CP: variants seen among roughly 807,000 people sequenced by gnomAD.
The protein encoded by CP is ceruloplasmin, also known as caeruloplasmin.
A neutral mutation model predicts 122.4 loss-of-function variants in CP; 64 were observed. That is an observed-to-expected ratio of 0.52 (90% CI 0.43 to 0.64). CP has a LOEUF of 0.64. Among genes scored for constraint, CP ranks in the 30% least tolerant of loss-of-function variants. The probability of loss-of-function intolerance (pLI) is 0.00; values close to 1 mark genes in which losing one functional copy is unlikely to be tolerated. For synonymous variants in CP, 440 were observed against 436.4 expected, an observed-to-expected ratio of 1.01 and a Z score of -0.10; for missense variants, 1,167 against 1,284.4, an observed-to-expected ratio of 0.91 and a Z score of 1.40.
At position 149,197,906 on chromosome 3, in the gene CP, T is replaced by G. The variant is rs371992957; in HGVS notation, c.1713+461A>C. On this transcript the variant is annotated intron_variant, in intron 9 of 18. Transcript: ENST00000264613. ...GTTCCTGACAGACCACCTAACAGGC[T>G]CACCTCCTGCTGTGTGGCCCATGGG... 6.2e-4 allele frequency among the ~76,000 whole-genome samples: 95 copies of G among 152,260 alleles called. 1 individual carries two copies. Among genetic ancestry groups the G allele is most frequent in the African/African-American group, 2.3e-3 (94 of 41,548 alleles).
intron 9 of CP, among the ~76,000 whole-genome samples, chr3:149,197,639 C>T (rs1559948477): frequency 6.6e-6 from 1 of 152,114 alleles, no homozygotes; most frequent in Non-Finnish European, 1.5e-5. Flanking sequence ...ACCGGTTTCA[C>T]GGAAGACATT....
rs747012860 is a variant in CP, at chr3:149,210,363, A to G, written c.411T>C (p.Asp137=). The part of the protein sequence containing the change: ...YKEHEGAIYP[D]NTTDFQRADD... The stretch of plus-strand genomic sequence containing the variant: ...CTGCTCTTTGAAAATCTGTGGTGTT[A>G]TCAGGGTAGATGGCCCCTAGGAAGC... Residue 137 remains aspartate (D), a synonymous_variant, in exon 3 of 19, where the codon GAT becomes GAC. Coordinates refer to ENST00000264613, the MANE Select transcript of CP (RefSeq NM_000096.4). 3 of 1,614,024 alleles carry G rather than the reference A, an allele frequency of 1.9e-6. No individual in the cohort carries two copies. The highest frequency in any genetic ancestry group is 1.1e-5 in the South Asian group (1 of 91,072).
chr3:149,164,378 TTAG>T, intron 5 of CP, among the ~76,000 whole-genome samples: 1 of 152,290 alleles, frequency 6.6e-6, no homozygotes, highest in African/African-American at 2.4e-5. Context: ...GTCAAAGTAG[TTAG>T]TTTATCCAGC....
chr3:149,178,272 G>A (rs1725547935), intron 16 of CP, 143 bp downstream of exon 16: 3 of 707,902 alleles, frequency 4.2e-6, no homozygotes. Flanking sequence ...TTTTTGTTTT[G>A]AACAGGATTC....
Position 149,178,490 on chromosome 3 carries a change from T to A in CP, c.2803A>T (p.Ile935Phe). The change falls in exon 16 of 19, where the codon ATC (isoleucine) becomes TTC (phenylalanine). Residue 935 changes from isoleucine (I) to phenylalanine (F), a missense_variant. Physicochemically the swap from Ile to Phe is conservative, Grantham distance 21 (BLOSUM62 0). This residue lies in a region of CP where 525 missense variants were observed against 657.2 expected (regional missense o/e 0.80). Transcript: ENST00000264613. ...ENESWYLDDNIKTYSDHPEKV... is the reference protein window; with the variant it reads ...ENESWYLDDNFKTYSDHPEKV... ...TCGGGGTGATCAGAGTATGTTTTGA[T>A]GTTGTCATCTAAGTACCAAGATTCA... The A allele has an allele frequency of 6.2e-7, 1 of 1,613,738 alleles. No individual in the cohort carries two copies. The highest frequency in any genetic ancestry group is 1.1e-5 in the South Asian group (1 of 91,060).
At chr3:149,181,975 C>CTGGGG in intron 14 of CP, 30 bp downstream of exon 14, 1 of 1,088,426 alleles carries the variant, frequency 9.2e-7, no homozygotes, top group Non-Finnish European at 1.4e-6. Flanking sequence ...TGTTAAAATG[C>CTGGGG]ACCACCCCCA....
In CP at chr3:149,178,403, A is replaced by T. The variant is rs35848147; in HGVS notation, c.2878+12T>A. 2.0e-6 allele frequency: 3 copies of T among 1,530,176 alleles called. No homozygotes were observed. The highest frequency in any genetic ancestry group is 1.8e-6 in the Non-Finnish European group (2 of 1,107,254). The allele number at this position is 1,530,176 out of a possible 1,614,324, so 94.8% of individuals were successfully genotyped here. A position where few individuals can be genotyped will look rare whatever the true frequency, so the allele number is the denominator to read the frequency against. ...AAAAGTAGAAAAATTGTTTTAGAATAATGTGACATACCATGCATTTTATTG... is the reference window on the plus strand; with the variant it reads ...AAAAGTAGAAAAATTGTTTTAGAATTATGTGACATACCATGCATTTTATTG... On this transcript the variant is annotated intron_variant, in intron 16 of 18. Coordinates refer to ENST00000264613, the MANE Select transcript of CP (RefSeq NM_000096.4).
chr3:149,185,317 A>G lies in CP; in HGVS notation c.2207T>C (p.Ile736Thr). Residue 736 changes from isoleucine (I) to threonine (T), a missense_variant, in exon 12 of 19, where the codon ATC becomes ACC. Around this residue, in one of 2 missense-constraint regions of CP, gnomAD observed 525 missense variants for 657.2 expected, o/e 0.80. Coordinates refer to ENST00000264613, the MANE Select transcript of CP (RefSeq NM_000096.4). ...ATCCCATTCCACCTCCACTGCTGCGATATAGTATGTCCTCTCTCCCAGGTA... is the reference window on the plus strand; with the variant it reads ...ATCCCATTCCACCTCCACTGCTGCGGTATAGTATGTCCTCTCTCCCAGGTA... The part of the protein sequence containing the change: ...TFYLGERTYY[I>T]AAVEVEWDYS... 1.2e-6 allele frequency: 2 copies of G among 1,614,030 alleles called. No homozygotes were observed. The highest frequency in any genetic ancestry group is 1.7e-6 in the Non-Finnish European group (2 of 1,179,990).
intron 9 of CP, among the ~76,000 whole-genome samples, chr3:149,192,989 C>CAT (rs1309759337): frequency 6.6e-6 from 1 of 151,640 alleles, no homozygotes; most frequent in African/African-American, 2.4e-5. Context: ...TATACACACA[C>CAT]ACACACACAC....
rs543058717 is a variant in CP, at chr3:149,167,136, C to T, written c.587-1086G>A. ...CGGCCTCAGTGTCCATGTTCTGTGT[C>T]GTACACGCTTGAAAGAGTATGAACA... On this transcript the variant is annotated intron_variant, in intron 4 of 5. Transcript: ENST00000479771. The T allele has an allele frequency of 2.7e-4, 435 of 1,613,774 alleles. 3 individuals are homozygous for T. The South Asian group carries it at 3.8e-3, about 14-fold the overall frequency.
At chr3:149,199,623 C>T in intron 8 of CP, 89 bp downstream of exon 8, 1 of 1,512,210 alleles carries the variant, frequency 6.6e-7, no homozygotes, top group South Asian at 1.1e-5. Flanking sequence ...TTGGGAGTTC[C>T]TGCCTTCAGT....
At chr3:149,203,837 A>G (rs1462253378) in intron 6 of CP, among the ~76,000 whole-genome samples, 2 of 152,124 alleles carry the variant, frequency 1.3e-5, no homozygotes, top group African/African-American at 4.8e-5. Flanking sequence ...CAGGCCATGA[A>G]CCCATCAATA....
At chr3:149,197,691 A>C (rs1357378045) in intron 9 of CP, among the ~76,000 whole-genome samples, 2 of 152,212 alleles carry the variant, frequency 1.3e-5, no homozygotes, top group African/African-American at 2.4e-5. Flanking sequence ...TTTCTGGATG[A>C]AACTATTCTA....
chr3:149,203,116 C>T (rs1180457274), intron 6 of CP, among the ~76,000 whole-genome samples: 2 of 152,064 alleles, frequency 1.3e-5, no homozygotes, highest in Non-Finnish European at 2.9e-5. Context: ...CCGTGTTAGC[C>T]AGGATGGTCT....
At chr3:149,216,045 A>G (rs756367940) in intron 1 of CP, among the ~76,000 whole-genome samples, 1 of 152,218 alleles carries the variant, frequency 6.6e-6, no homozygotes, top group Non-Finnish European at 1.5e-5. Context: ...ATCTTGGTTT[A>G]TGCTTAGACG....
intron 3 of CP, 38 bp from the exon 4 acceptor site, chr3:149,209,422 T>G (rs765743128): frequency 7.8e-5 from 122 of 1,572,478 alleles, no homozygotes; most frequent in Non-Finnish European, 1.0e-4. Context: ...GACTAAACTT[T>G]TAGCATGTAT....
At chr3:149,174,348 T>C (rs1476275112) in intron 18 of CP, among the ~76,000 whole-genome samples, 1 of 152,164 alleles carries the variant, frequency 6.6e-6, no homozygotes, top group African/African-American at 2.4e-5. Context: ...ATCATTGTAT[T>C]GTGGTCATGT....
At position 149,202,213 on chromosome 3, in the gene CP, T is replaced by C. The variant is rs1274123598; in HGVS notation, c.1237A>G (p.Thr413Ala). ...SDSAVFFEQGTTRIGGSYKKL... is the reference protein window; with the variant it reads ...SDSAVFFEQGATRIGGSYKKL... ...TTATAAGAGCCTCCAATTCTTGTGG[T>C]ACCTTGTTCAAAAAACACCGCTGAG... The change falls in exon 7 of 19, where the codon ACC becomes GCC. Residue 413 changes from threonine to alanine, a missense_variant. Physicochemically the swap from Thr to Ala is moderately conservative, Grantham distance 58. Transcript: ENST00000264613. 6.2e-7 allele frequency: 1 copy of C among 1,614,070 alleles called. No individual in the cohort carries two copies. The highest frequency in any genetic ancestry group is 8.5e-7 in the Non-Finnish European group (1 of 1,180,010).
At position 149,178,318 on chromosome 3, in the gene CP, T is replaced by C. The variant is rs36099841; in HGVS notation, c.2878+97A>G. On this transcript the variant is annotated intron_variant, in intron 16 of 18. Transcript: ENST00000264613. ...ACAAAGTGAGGCAGAAGTGGTTTATTTTAAGACAAAACAAATGAATGGTCT... is the reference window on the plus strand; with the variant it reads ...ACAAAGTGAGGCAGAAGTGGTTTATCTTAAGACAAAACAAATGAATGGTCT... 0.012 allele frequency: 12,682 copies of C among 1,024,628 alleles called. 318 individuals are homozygous for C. Among genetic ancestry groups the C allele is most frequent in the African/African-American group, 0.095 (5,808 of 61,414 alleles). The allele number at this position is 1,024,628 out of a possible 1,614,324, so 63.5% of individuals were successfully genotyped here. A position where few individuals can be genotyped will look rare whatever the true frequency, so the allele number is the denominator to read the frequency against.
Sources: allele counts gnomAD v4.1 joint callset (sites outside exome capture counted in the v4.1 genomes callset), GRCh38; gene constraint gnomAD v4.1.1; regional missense constraint gnomAD v4.1.1; transcripts MANE v1.5; gene names NCBI Gene and HGNC (gene_info 2026-07-23, HGNC 2026-07-21).